The following NCLN variants were observed in gnomAD, a reference collection of about 807,000 sequenced individuals.
The protein encoded by NCLN is BOS complex subunit NCLN.
A neutral mutation model predicts 69.5 loss-of-function variants in NCLN; 34 were observed. The ratio of observed to expected loss-of-function variants is 0.49; its 90% CI spans 0.37 to 0.65. The LOEUF (loss-of-function observed/expected upper bound fraction) is 0.65. NCLN is among the 30% of genes least tolerant of loss of function. The probability of loss-of-function intolerance (pLI) is 0.00; values close to 1 mark genes in which losing one functional copy is unlikely to be tolerated. For synonymous variants in NCLN, 393 were observed against 358.3 expected, an observed-to-expected ratio of 1.10 and a Z score of -1.09; for missense variants, 710 against 804.8, an observed-to-expected ratio of 0.88 and a Z score of 1.42.
In NCLN at chr19:3,198,930, A is replaced by T. The variant is rs776111068; in HGVS notation, c.696+33A>T. Reference sequence around the variant, plus strand: ...TGTGTGTCCCCATTCCCCCCACCCCACAGGGCTTGGATTCTGGCTCCAGTC... The same window carrying T: ...TGTGTGTCCCCATTCCCCCCACCCCTCAGGGCTTGGATTCTGGCTCCAGTC... On this transcript the variant is annotated intron_variant, in intron 5 of 14. Transcript: ENST00000246117. 3 of 1,392,200 alleles carry T rather than the reference A, an allele frequency of 2.2e-6. No homozygotes were observed. The Admixed American group carries it at 7.9e-5, about 37-fold the overall frequency. 86.2% of individuals were successfully genotyped at this position (1,392,200 alleles called of 1,614,324 possible).
intron 3 of NCLN, among the ~76,000 whole-genome samples, chr19:3,194,668 G>A (rs1313763290): frequency 6.6e-6 from 1 of 151,726 alleles, no homozygotes; most frequent in East Asian, 1.9e-4. Context: ...GGCCATTTTT[G>A]TTGTGGTAAT....
chr19:3,199,275 C>T (rs551389059), intron 5 of NCLN, among the ~76,000 whole-genome samples: 26 of 152,366 alleles, frequency 1.7e-4, no homozygotes, highest in African/African-American at 3.1e-4. Flanking sequence ...AAGGGAAAGG[C>T]GCGTGCGGTG....
Position 3,198,902 on chromosome 19 carries a change from GTA to G in NCLN, c.696+7_696+8del. ...GACGCCTTTGGAGTGGCCCCCGTAC[GTA>G]TGTGTGTCCCCATTCCCCCCACCCC... is the stretch of plus-strand genomic sequence containing the variant. On this transcript the variant is annotated splice_donor_region_variant and intron_variant, in intron 5 of 14. Transcript: ENST00000246117. 6.8e-7 allele frequency: 1 copy of G among 1,470,220 alleles called. No individual in the cohort carries two copies. The highest frequency in any genetic ancestry group is 9.1e-7 in the Non-Finnish European group (1 of 1,103,292). 91.1% of individuals were successfully genotyped at this position (1,470,220 alleles called of 1,614,324 possible).
chr19:3,187,096 A>G (rs1405228556), intron 1 of NCLN, among the ~76,000 whole-genome samples: 3 of 151,406 alleles, frequency 2.0e-5, no homozygotes, highest in Non-Finnish European at 4.4e-5. Context: ...GCCTCCTCAC[A>G]CCCACTTCCC....
At chr19:3,201,242 G>C (rs1197248242) in intron 5 of NCLN, among the ~76,000 whole-genome samples, 7 of 152,246 alleles carry the variant, frequency 4.6e-5, no homozygotes, top group Non-Finnish European at 1.0e-4. Context: ...GCCGAGCCGA[G>C]GTGGATGAGG....
At chr19:3,192,416 TCCCGTCGGCCTGGCCA>T in intron 1 of NCLN, 38 bp from the exon 2 acceptor site, 1 of 1,456,218 alleles carries the variant, frequency 6.9e-7, no homozygotes, top group Non-Finnish European at 9.1e-7. Context: ...ATCTGTCCCC[TCCCGTCGGCCTGGCCA>T]CCCGCCGAGG....
At chr19:3,207,170 G>T in intron 12 of NCLN, 28 bp from the exon 13 acceptor site, 3 of 1,612,762 alleles carry the variant, frequency 1.9e-6, no homozygotes, top group South Asian at 1.1e-5. Flanking sequence ...GCGCAGTGGT[G>T]CCCCCTGAGA....
At chr19:3,206,448 G>T (rs1390378617) in intron 12 of NCLN, 23 bp downstream of exon 12, 26 of 1,537,686 alleles carry the variant, frequency 1.7e-5, no homozygotes, top group Non-Finnish European at 7.9e-6. Flanking sequence ...CTCCGCGCTG[G>T]CCCCGTTCAG....
Position 3,196,174 on chromosome 19 carries a change from T to A in NCLN, c.521-9T>A. 6.5e-7 allele frequency: 1 copy of A among 1,532,784 alleles called. No homozygotes were observed. Among genetic ancestry groups the A allele is most frequent in the East Asian group, 2.5e-5 (1 of 40,264 alleles). 94.9% of individuals were successfully genotyped at this position (1,532,784 alleles called of 1,614,324 possible). On this transcript the variant is annotated splice_polypyrimidine_tract_variant and intron_variant, in intron 3 of 14. Transcript: ENST00000246117. ...GGCCAAGGCTGATGCGCCCTCTCCC[T>A]CTCCCTAGTACTGCTGCGCACGGCC...
In NCLN at chr19:3,207,258, G is replaced by T; in HGVS notation, c.1553+7G>T. On this transcript the variant is annotated splice_region_variant and intron_variant, in intron 13 of 14. Coordinates refer to ENST00000246117, the MANE Select transcript of NCLN (RefSeq NM_020170.4). ...AAGTGATGAATGCGTACAGGTGAGT[G>T]GTGGCCAGCGGGACCTGGAGCCCTT... 1 of 1,613,666 alleles carries T rather than the reference G, an allele frequency of 6.2e-7. No individual in the cohort carries two copies.
intron 1 of NCLN, among the ~76,000 whole-genome samples, 161 bp downstream of exon 1, chr19:3,186,375 C>T (rs1915669928): frequency 6.6e-6 from 1 of 152,068 alleles, no homozygotes. Context: ...CCCCGGGCGC[C>T]CTGGAATCCC....
intron 3 of NCLN, among the ~76,000 whole-genome samples, chr19:3,194,193 A>C (rs1350074098): frequency 6.6e-6 from 1 of 152,186 alleles, no homozygotes; most frequent in Non-Finnish European, 1.5e-5. Context: ...CAGCCTGGCC[A>C]ACCTGGCGAA....
rs10421245 is a variant in NCLN, at chr19:3,187,512, C to G, written c.184+1298C>G. Among the ~76,000 whole-genome samples the G allele has an allele frequency of 6.3e-3, 965 of 152,350 alleles. 13 individuals are homozygous for G. Among genetic ancestry groups the G allele is most frequent in the African/African-American group, 0.022 (926 of 41,590 alleles). ...CTGCCAGCCCTTGGGGAGCCCATCT[C>G]TGGAGATGGAACCAGACTTTGGCCT... On this transcript the variant is annotated intron_variant, in intron 1 of 14. Coordinates refer to ENST00000246117, the MANE Select transcript of NCLN (RefSeq NM_020170.4).
At position 3,192,578 on chromosome 19, in the gene NCLN, A is replaced by C; in HGVS notation, c.293A>C (p.Gln98Pro). 6.2e-7 allele frequency: 1 copy of C among 1,608,622 alleles called. No individual in the cohort carries two copies. Among genetic ancestry groups the C allele is most frequent in the Non-Finnish European group, 8.5e-7 (1 of 1,177,576 alleles). ...RLLDFSYEQY[Q>P]KALRQSAGAV... ...CTGGACTTCTCCTACGAGCAGTACC[A>C]GAAGGCCCTGCGGCAGTCGGCGGGC... Residue 98 changes from glutamine (Q) to proline (P), a missense_variant, in exon 2 of 15, where the codon CAG becomes CCG. By Grantham distance (76) the Gln-to-Pro change is moderately conservative. Transcript: ENST00000246117.
At chr19:3,193,239 C>T in intron 2 of NCLN, 45 bp from the exon 3 acceptor site, 1 of 1,549,174 alleles carries the variant, frequency 6.5e-7, no homozygotes, top group Non-Finnish European at 8.7e-7. Flanking sequence ...TACCTTGCCA[C>T]CCCCACCAGG....
In NCLN at chr19:3,206,187, G is replaced by T. The variant is rs1414395967; in HGVS notation, c.1332G>T (p.Gln444His). The change falls in exon 11 of 15, where the codon CAG (glutamine) becomes CAT (histidine). Residue 444 changes from glutamine (Q) to histidine (H), a missense_variant. By Grantham distance (24) the Gln-to-His change is conservative. Coordinates refer to ENST00000246117, the MANE Select transcript of NCLN (RefSeq NM_020170.4). ...TPPDMPVFTE[Q>H]MQIQQEQLDS... ...CAGACATGCCGGTGTTCACAGAGCA[G>T]ATGGTAAGGGGGCCAGGCCAGTGGG... The T allele has an allele frequency of 6.4e-6, 9 of 1,399,592 alleles. No individual in the cohort carries two copies. The Admixed American group carries it at 2.0e-4, about 31-fold the overall frequency. The allele number at this position is 1,399,592 out of a possible 1,614,324, so 86.7% of individuals were successfully genotyped here.
rs1467267848 is a variant in NCLN, at chr19:3,198,873, C to T, written c.672C>T (p.His224=). Reference sequence around the variant, plus strand: ...TTCCCACCATCGTCATCGTGGCCCACTACGACGCCTTTGGAGTGGCCCCCG... The same window carrying T: ...TTCCCACCATCGTCATCGTGGCCCATTACGACGCCTTTGGAGTGGCCCCCG... ...EDLPTIVIVA[H]YDAFGVAPWL... is the part of the protein sequence containing the mutation. Residue 224 remains histidine (H), a synonymous_variant, in exon 5 of 15, where the codon CAC becomes CAT. Transcript: ENST00000246117. The T allele has an allele frequency of 1.9e-6, 3 of 1,555,262 alleles. No individual in the cohort carries two copies. Among genetic ancestry groups the T allele is most frequent in the Non-Finnish European group, 2.6e-6 (3 of 1,150,704 alleles).
intron 2 of NCLN, 87 bp from the exon 3 acceptor site, chr19:3,193,196 AC>A (rs1459666740): frequency 3.3e-6 from 4 of 1,206,524 alleles, no homozygotes; most frequent in African/African-American, 1.6e-5. Context: ...GCCCCCTGCT[AC>A]CCCCACCAGG....
At chr19:3,186,805 C>G (rs181817003) in intron 1 of NCLN, among the ~76,000 whole-genome samples, 1 of 152,078 alleles carries the variant, frequency 6.6e-6, no homozygotes, top group East Asian at 1.9e-4. Context: ...TCCAGCATTC[C>G]CCACCCCCTC....
Sources: allele counts gnomAD v4.1 joint callset (sites outside exome capture counted in the v4.1 genomes callset), GRCh38; gene constraint gnomAD v4.1.1; transcripts MANE v1.5; gene names NCBI Gene and HGNC (gene_info 2026-07-23, HGNC 2026-07-21).